TSHZ3: variants seen among roughly 807,000 people sequenced by gnomAD.
TSHZ3 encodes teashirt zinc finger homeobox 3.
TSHZ3 carries 10 observed loss-of-function variants against 64.5 expected under a neutral mutation model. That is an observed-to-expected ratio of 0.16 (90% CI 0.10 to 0.26). The LOEUF (loss-of-function observed/expected upper bound fraction) is 0.26, where lower values mean the gene tolerates loss of function less well. Among genes scored for constraint, TSHZ3 ranks in the 10% least tolerant of loss-of-function variants. The pLI, the probability that TSHZ3 is intolerant of heterozygous loss-of-function variation, is 1.00. For synonymous variants in TSHZ3, 608 were observed against 593.1 expected (o/e 1.03, Z -0.36); for missense variants, 1,242 against 1,421.7 (o/e 0.87, Z 2.03).
rs1976286141 is a variant in TSHZ3, at chr19:31,278,159, C to T, written c.1634G>A (p.Gly545Glu). 1 of 1,614,144 alleles carries T rather than the reference C, an allele frequency of 6.2e-7. No individual in the cohort carries two copies. Residue 545 changes from glycine to glutamate, a missense_variant, in exon 2 of 2, where the codon GGG becomes GAG. Physicochemically the swap from Gly to Glu is moderately conservative, Grantham distance 98. Transcript: ENST00000240587. The surrounding 1 kb of genome is among the most constrained non-coding windows in gnomAD (Gnocchi z 4.7). ...NKAQNGTPSW[G>E]GYPSIHAAYQ... ...GGCGGCATGGATGCTGGGATAGCCC[C>T]CCCAGCTAGGAGTGCCGTTCTGGGC...
At chr19:31,301,016 C>G (rs1311022081) in intron 1 of TSHZ3, among the ~76,000 whole-genome samples, 1 of 152,116 alleles carries the variant, frequency 6.6e-6, no homozygotes, top group African/African-American at 2.4e-5. Context: ...AGCATATTTA[C>G]ATTAAACACA....
At chr19:31,164,892 A>G (rs942917670) in intron 5 of TSHZ3, among the ~76,000 whole-genome samples, 1 of 152,220 alleles carries the variant, frequency 6.6e-6, no homozygotes, top group Non-Finnish European at 1.5e-5. Context: ...ACCAGGAAAC[A>G]CAACACAGAC....
At chr19:31,201,572 G>T (rs949473068) in intron 5 of TSHZ3, among the ~76,000 whole-genome samples, 1 of 152,104 alleles carries the variant, frequency 6.6e-6, no homozygotes, top group Non-Finnish European at 1.5e-5. Context: ...AGCAGTCTAC[G>T]TGGCCATGGC....
intron 4 of TSHZ3, chr19:31,207,591 T>G (rs970807188): frequency 2.0e-5 from 3 of 152,292 alleles, no homozygotes; most frequent in African/African-American, 7.2e-5. Context: ...AAACTGAGAC[T>G]GGAGAGAACT....
chr19:31,206,532 A>G (rs1233797706), intron 4 of TSHZ3, among the ~76,000 whole-genome samples: 1 of 152,174 alleles, frequency 6.6e-6, no homozygotes, highest in Non-Finnish European at 1.5e-5. Context: ...GGGCTGCTTC[A>G]CCATTCTGGG....
At chr19:31,333,440 C>T (rs1158956948) in intron 1 of TSHZ3, among the ~76,000 whole-genome samples, 3 of 152,124 alleles carry the variant, frequency 2.0e-5, no homozygotes, top group African/African-American at 7.2e-5. Flanking sequence ...CCCATCTCAG[C>T]AAGGGGACCT....
At chr19:31,303,425 T>C (rs1171125876) in intron 1 of TSHZ3, among the ~76,000 whole-genome samples, 6 of 152,008 alleles carry the variant, frequency 3.9e-5, no homozygotes, top group Non-Finnish European at 8.8e-5. Context: ...TTGGTCCACA[T>C]AGGCACCCAC....
intron 5 of TSHZ3, among the ~76,000 whole-genome samples, chr19:31,157,953 A>G (rs1278604693): frequency 6.6e-6 from 1 of 152,234 alleles, no homozygotes; most frequent in Non-Finnish European, 1.5e-5. Flanking sequence ...CTCTCGTGGT[A>G]CAATGAACAA....
At chr19:31,287,444 T>C (rs944600453) in intron 1 of TSHZ3, among the ~76,000 whole-genome samples, 23 of 151,726 alleles carry the variant, frequency 1.5e-4, no homozygotes, top group African/African-American at 5.6e-4. Context: ...GTGACTGTGA[T>C]GGAGGAAAGA....
At chr19:31,202,332 C>G (rs1975099670) in intron 5 of TSHZ3, among the ~76,000 whole-genome samples, 1 of 151,998 alleles carries the variant, frequency 6.6e-6, no homozygotes, top group Non-Finnish European at 1.5e-5. Flanking sequence ...ATGTAGATGT[C>G]TAGATATCGC....
At chr19:31,218,496 T>C (rs1049495805) in intron 4 of TSHZ3, among the ~76,000 whole-genome samples, 4 of 151,836 alleles carry the variant, frequency 2.6e-5, no homozygotes, top group African/African-American at 9.7e-5. Flanking sequence ...AATTTGGGGG[T>C]TTCTTATAAA....
At chr19:31,200,938 G>A (rs1975075365) in intron 5 of TSHZ3, among the ~76,000 whole-genome samples, 1 of 151,922 alleles carries the variant, frequency 6.6e-6, no homozygotes. Context: ...TGATGAAGTG[G>A]GCTTTCAAAT....
downstream of TSHZ3, among the ~76,000 whole-genome samples, chr19:31,273,412 CAGA>C (rs1416691608): frequency 1.3e-5 from 2 of 152,140 alleles, no homozygotes; most frequent in Non-Finnish European, 2.9e-5. Flanking sequence ...TTGGAAAGCC[CAGA>C]AGATGATCCT....
At chr19:31,332,399 C>G (rs1012718050) in intron 1 of TSHZ3, among the ~76,000 whole-genome samples, 2 of 152,164 alleles carry the variant, frequency 1.3e-5, no homozygotes, top group Admixed American at 6.5e-5. Flanking sequence ...TGGTGGGGCT[C>G]TGAAAGCTCA....
rs10551485 is a variant in TSHZ3 at position 31,223,365 on chromosome 19, C to CGTGTGT, written n.686+4634_686+4639dup. 4.1e-4 allele frequency among the ~76,000 whole-genome samples: 59 copies of CGTGTGT among 142,502 alleles called. No homozygotes were observed. In the East Asian group the frequency reaches 5.3e-3, roughly 13 times the overall value. 93.5% of individuals were successfully genotyped at this position (142,502 alleles called of 152,430 possible). On this transcript the variant is annotated intron_variant and non_coding_transcript_variant, in intron 4 of 6. Transcript: ENST00000651361. The stretch of plus-strand genomic sequence containing the variant: ...TGGACTCTAATTTTAGTTCTTATAA[C>CGTGTGT]GTGTGTGTGTGTGTGTGTGTGTGTG...
intron 3 of TSHZ3, among the ~76,000 whole-genome samples, chr19:31,240,091 C>G (rs538199228): frequency 1.3e-5 from 2 of 151,746 alleles, no homozygotes; most frequent in Non-Finnish European, 2.9e-5. Context: ...GTTTTTCATT[C>G]AATTTGTTAA....
chr19:31,191,403 A>T (rs1974904535), intron 5 of TSHZ3, among the ~76,000 whole-genome samples: 1 of 152,194 alleles, frequency 6.6e-6, no homozygotes. Flanking sequence ...TTAAATACTG[A>T]AGTAAAAATA....
intron 3 of TSHZ3, among the ~76,000 whole-genome samples, chr19:31,230,470 C>T (rs548208588): frequency 6.6e-6 from 1 of 152,094 alleles, no homozygotes; most frequent in African/African-American, 2.4e-5. Flanking sequence ...TAACAAGATT[C>T]TTAAAAACAT....
At chr19:31,268,033 A>G (rs1355935526) in intron 1 of TSHZ3, among the ~76,000 whole-genome samples, 1 of 152,100 alleles carries the variant, frequency 6.6e-6, no homozygotes, top group Non-Finnish European at 1.5e-5. Flanking sequence ...TAATTGAATC[A>G]TGGGGGTGGG....
Sources: gnomAD v4.1 joint callset for allele counts (sites outside exome capture counted in the v4.1 genomes callset) on GRCh38, gnomAD v4.1.1 for gene constraint, Gnocchi (gnomAD v3.1) non-coding constraint, MANE v1.5 for transcripts, NCBI Gene and HGNC (gene_info 2026-07-23, HGNC 2026-07-21) for gene names.